VAV3: variants seen among roughly 807,000 people sequenced by gnomAD.
VAV3 encodes the protein vav guanine nucleotide exchange factor 3.
VAV3 carries 94 observed loss-of-function variants against 131.2 expected under a neutral mutation model. The observed-to-expected ratio is 0.72, with a 90% confidence interval of 0.61 to 0.85. VAV3 has a LOEUF of 0.85. Ranked by LOEUF, VAV3 falls within the 40% of genes least tolerant of loss-of-function variation. VAV3 has a pLI of 0.00. For synonymous variants in VAV3, 349 were observed against 342.0 expected (o/e 1.02, Z -0.22); for missense variants, 939 against 1,002.7 (o/e 0.94, Z 0.86).
At chr1:107,938,383 C>A (rs1003050403) in intron 1 of VAV3, among the ~76,000 whole-genome samples, 1 of 152,108 alleles carries the variant, frequency 6.6e-6, no homozygotes, top group African/African-American at 2.4e-5. Flanking sequence ...TCTAGATTCT[C>A]AAGGGAGGAA....
intron 19 of VAV3, among the ~76,000 whole-genome samples, chr1:107,645,783 C>T (rs7417753): frequency 0.36 from 55,308 of 151,860 alleles, 11,190 homozygotes; most frequent in East Asian, 0.6. Flanking sequence ...TACAGATGTT[C>T]ATATTTCGAA....
At chr1:107,894,469 C>T (rs566343236) in intron 1 of VAV3, among the ~76,000 whole-genome samples, 1 of 152,164 alleles carries the variant, frequency 6.6e-6, no homozygotes, top group Admixed American at 6.5e-5. Flanking sequence ...AAGCTGAACT[C>T]TCATAATAAG....
chr1:107,596,233 C>A lies in VAV3; in HGVS notation c.2329G>T (p.Gly777Cys), dbSNP rs540470156. 2 of 1,613,122 alleles carry A rather than the reference C, an allele frequency of 1.2e-6. No homozygotes were observed. The highest frequency in any genetic ancestry group is 1.7e-6 in the Non-Finnish European group (2 of 1,179,418). The change falls in exon 25 of 27, where the codon GGT (glycine) becomes TGT (cysteine). Residue 777 changes from glycine (G) to cysteine (C), a missense_variant. Physicochemically the swap from Gly to Cys is radical, Grantham distance 159 (BLOSUM62 -3). Transcript: ENST00000370056. ...KEPEHSAGQR[G>C]NRAGNSLLSP... ...TTACAGCTGTTGCCTGCTCTATTAC[C>A]CCTCTGTCCAGCTGAATGTTCTGGC...
intron 2 of VAV3, among the ~76,000 whole-genome samples, chr1:107,806,892 A>G (rs1667085033): frequency 6.6e-6 from 1 of 152,216 alleles, no homozygotes; most frequent in African/African-American, 2.4e-5. Flanking sequence ...ATAAGCAAGC[A>G]CATACTCCCA....
intron 4 of VAV3, among the ~76,000 whole-genome samples, chr1:107,774,921 T>TG (rs1449029831): frequency 7.4e-6 from 1 of 135,644 alleles, no homozygotes; most frequent in Non-Finnish European, 1.7e-5. Flanking sequence ...TGCTTTTTTT[T>TG]TTTTTTTAAG....
intron 17 of VAV3, among the ~76,000 whole-genome samples, chr1:107,691,959 TG>T (rs1659454575): frequency 6.6e-6 from 1 of 152,176 alleles, no homozygotes; most frequent in African/African-American, 2.4e-5. Flanking sequence ...TGTCCTATTT[TG>T]TTTTTCAATA....
intron 2 of VAV3, among the ~76,000 whole-genome samples, chr1:107,796,802 A>ATAT (rs200461998): frequency 0.043 from 6,142 of 142,970 alleles, 146 homozygotes; most frequent in Middle Eastern, 0.06. Flanking sequence ...AAAAAAAAAA[A>ATAT]AAATATATAT....
At chr1:107,763,389 C>T (rs1329733375) in intron 9 of VAV3, among the ~76,000 whole-genome samples, 1 of 152,194 alleles carries the variant, frequency 6.6e-6, no homozygotes, top group East Asian at 1.9e-4. Context: ...GAACAACACT[C>T]AAACAAGACT....
At chr1:107,753,726 G>A (rs557191436) in intron 12 of VAV3, among the ~76,000 whole-genome samples, 49 of 151,200 alleles carry the variant, frequency 3.2e-4, no homozygotes, top group African/African-American at 1.1e-3. Flanking sequence ...TGCCTGGCTA[G>A]TTTTTGTATT....
chr1:107,671,918 T>C (rs1053044907), intron 19 of VAV3, among the ~76,000 whole-genome samples: 3 of 152,204 alleles, frequency 2.0e-5, no homozygotes, highest in Non-Finnish European at 2.9e-5. Flanking sequence ...ATGTGTATAA[T>C]AAAGCACAAA....
Position 107,766,453 on chromosome 1 carries a change from T to C in VAV3, c.815A>G (p.Lys272Arg), listed in dbSNP as rs1250841481. The change falls in exon 8 of 27, where the codon AAG becomes AGG. Residue 272 changes from lysine to arginine, a missense_variant. Physicochemically the swap from Lys to Arg is conservative, Grantham distance 26. Coordinates refer to ENST00000370056, the MANE Select transcript of VAV3 (RefSeq NM_006113.5). ...CTTAAACTTCAAAAGTTACCTTTCC[T>C]TGTAGTTAATAAAAACTTGGTACAA... ...QNLYQVFINY[K>R]ERLVIYGQYC... 1.2e-6 allele frequency: 2 copies of C among 1,607,088 alleles called. No individual in the cohort carries two copies. The highest frequency in any genetic ancestry group is 2.7e-5 in the African/African-American group (2 of 74,682).
intron 1 of VAV3, among the ~76,000 whole-genome samples, chr1:107,926,563 C>G (rs1673167107): frequency 1.8e-5 from 2 of 112,050 alleles, no homozygotes; most frequent in South Asian, 5.9e-4. Flanking sequence ...AGTCTTGAAT[C>G]ATGGATGCCA....
intron 1 of VAV3, among the ~76,000 whole-genome samples, chr1:107,932,641 T>C (rs1455314806): frequency 3.9e-5 from 6 of 152,150 alleles, no homozygotes; most frequent in Non-Finnish European, 7.3e-5. Context: ...GATCTCGAGA[T>C]AGGGAGGTTA....
chr1:107,860,239 A>G (rs184100737), intron 2 of VAV3, among the ~76,000 whole-genome samples: 34 of 152,080 alleles, frequency 2.2e-4, no homozygotes, highest in South Asian at 4.2e-4. Flanking sequence ...TCCTACCTCA[A>G]TCTTCCAAGT....
intron 17 of VAV3, among the ~76,000 whole-genome samples, chr1:107,695,014 T>C (rs187260760): frequency 6.6e-6 from 1 of 152,276 alleles, no homozygotes; most frequent in Non-Finnish European, 1.5e-5. Flanking sequence ...CATTGACTTT[T>C]TGAAAATGAA....
intron 1 of VAV3, among the ~76,000 whole-genome samples, chr1:107,960,451 G>GT (rs1675030395): frequency 6.7e-6 from 1 of 150,366 alleles, no homozygotes; most frequent in South Asian, 2.1e-4. Flanking sequence ...GGGCTACACA[G>GT]TAAGACTCCG....
At chr1:107,963,646 G>T (rs1675255244) in intron 1 of VAV3, 1 of 152,218 alleles carries the variant, frequency 6.6e-6, no homozygotes, top group East Asian at 1.9e-4. Flanking sequence ...CGCTGCTCTG[G>T]TTGCTAAGTA....
At chr1:107,738,044 A>C (rs1662774486) in intron 15 of VAV3, among the ~76,000 whole-genome samples, 1 of 152,246 alleles carries the variant, frequency 6.6e-6, no homozygotes, top group Admixed American at 6.5e-5. Context: ...GGATGAGTTC[A>C]TGTCCTTTGT....
At chr1:107,753,979 C>T (rs1323692602) in intron 12 of VAV3, among the ~76,000 whole-genome samples, 1 of 152,058 alleles carries the variant, frequency 6.6e-6, no homozygotes, top group Admixed American at 6.6e-5. Context: ...ATTTTAGATG[C>T]ACCTTGAATA....
Sources: gnomAD v4.1 joint callset for allele counts (sites outside exome capture counted in the v4.1 genomes callset) on GRCh38, gnomAD v4.1.1 for gene constraint, MANE v1.5 for transcripts, NCBI Gene and HGNC (gene_info 2026-07-23, HGNC 2026-07-21) for gene names.